ANO2: variants seen among roughly 807,000 people sequenced by gnomAD.
ANO2 encodes anoctamin-2.
ANO2 carries 101 observed loss-of-function variants against 124.2 expected under a neutral mutation model. That is an observed-to-expected ratio of 0.81 (90% CI 0.69 to 0.96). The LOEUF (loss-of-function observed/expected upper bound fraction) is 0.96, where lower values mean the gene tolerates loss of function less well. Among genes scored for constraint, ANO2 ranks in the 40% least tolerant of loss-of-function variants. ANO2 has a pLI of 0.00. For synonymous variants in ANO2, 486 were observed against 482.5 expected (o/e 1.01, Z -0.09); for missense variants, 1,293 against 1,274.5 (o/e 1.01, Z -0.22).
intron 13 of ANO2, among the ~76,000 whole-genome samples, chr12:5,735,483 T>C (rs189899476): frequency 1.6e-4 from 24 of 152,292 alleles, no homozygotes; most frequent in Admixed American, 1.5e-3. Flanking sequence ...CTGCCAGTCC[T>C]AGACACAAGA....
At chr12:5,703,074 A>C (rs533357141) in intron 14 of ANO2, among the ~76,000 whole-genome samples, 1 of 152,254 alleles carries the variant, frequency 6.6e-6, no homozygotes, top group Admixed American at 6.5e-5. Flanking sequence ...GGTAGTAGAA[A>C]ATAAGGAATC....
intron 14 of ANO2, among the ~76,000 whole-genome samples, chr12:5,680,289 TTAAAA>T (rs1231808436): frequency 1.3e-5 from 2 of 152,004 alleles, no homozygotes; most frequent in Non-Finnish European, 2.9e-5. Context: ...GCCCCAGAAC[TTAAAA>T]TAAAAGTTAA....
chr12:5,612,854 G>A (rs185116864), intron 18 of ANO2, 47 bp downstream of exon 18: 2 of 1,611,650 alleles, frequency 1.2e-6, no homozygotes, highest in East Asian at 2.2e-5. Context: ...GATAAGAATG[G>A]GGCTGGGTTG....
chr12:5,912,310 A>G (rs1170870391), intron 3 of ANO2, among the ~76,000 whole-genome samples: 1 of 152,184 alleles, frequency 6.6e-6, no homozygotes, highest in Admixed American at 6.5e-5. Flanking sequence ...CAAGAGGAGC[A>G]GAAGCAAGAA....
Position 5,884,808 on chromosome 12 carries a change from C to A in ANO2, c.535-30667G>T, listed in dbSNP as rs139405030. Among the ~76,000 whole-genome samples, 384 of 152,308 alleles carry A rather than the reference C, an allele frequency of 2.5e-3. 3 individuals are homozygous for A. Among genetic ancestry groups the A allele is most frequent in the African/African-American group, 9.1e-3 (380 of 41,562 alleles). On this transcript the variant is annotated intron_variant, in intron 3 of 24. Coordinates refer to ENST00000682330, the MANE Select transcript of ANO2 (RefSeq NM_001364791.2). ...AAAAGGAAGCCAGCAGGCAAACCCA[C>A]TCTCCTCCCACAGCATGATGAAGAA...
intron 14 of ANO2, among the ~76,000 whole-genome samples, chr12:5,684,932 G>A (rs945526600): frequency 2.0e-5 from 3 of 152,170 alleles, no homozygotes; most frequent in African/African-American, 7.2e-5. Context: ...CACATGACCT[G>A]TTTTGGTGAG....
chr12:5,591,309 G>A (rs1266451982), intron 20 of ANO2, among the ~76,000 whole-genome samples: 3 of 152,306 alleles, frequency 2.0e-5, no homozygotes, highest in Non-Finnish European at 2.9e-5. Context: ...TGTGGGAAGT[G>A]CGGATGATTT....
At position 5,846,457 on chromosome 12, in the gene ANO2, C is replaced by A. The variant is rs192545462; in HGVS notation, c.633+7586G>T. Among the ~76,000 whole-genome samples the A allele has an allele frequency of 2.0e-5, 3 of 152,278 alleles. No homozygotes were observed. The East Asian group carries it at 5.8e-4, about 29-fold the overall frequency. On this transcript the variant is annotated intron_variant, in intron 4 of 24. Transcript: ENST00000682330. ...TTGGAATACAGAGAAAGCCAACAAG[C>A]CTACCAGAGACCTAGGTCTTCAATT...
At chr12:5,888,867 C>T (rs1361087789) in intron 3 of ANO2, among the ~76,000 whole-genome samples, 2 of 152,234 alleles carry the variant, frequency 1.3e-5, no homozygotes, top group African/African-American at 4.8e-5. Flanking sequence ...GCAGGTGGAG[C>T]TGCCTGCCAG....
At chr12:5,666,002 C>T (rs1947696776) in intron 14 of ANO2, among the ~76,000 whole-genome samples, 1 of 152,180 alleles carries the variant, frequency 6.6e-6, no homozygotes, top group Non-Finnish European at 1.5e-5. Context: ...AAATGCACAG[C>T]TTAATGTAAG....
intron 10 of ANO2, among the ~76,000 whole-genome samples, chr12:5,770,306 G>A (rs1591596457): frequency 6.6e-6 from 1 of 152,136 alleles, no homozygotes; most frequent in African/African-American, 2.4e-5. Context: ...CAGCTCATTG[G>A]TTTCCAATCT....
At chr12:5,850,415 C>CA (rs11307572) in intron 4 of ANO2, among the ~76,000 whole-genome samples, 4,297 of 100,084 alleles carry the variant, frequency 0.043, 279 homozygotes, top group African/African-American at 0.15. Flanking sequence ...CACTCCATCT[C>CA]AAAAAAAAAA....
intron 3 of ANO2, among the ~76,000 whole-genome samples, chr12:5,868,609 G>T (rs1955494099): frequency 6.6e-6 from 1 of 152,204 alleles, no homozygotes; most frequent in Non-Finnish European, 1.5e-5. Flanking sequence ...TTGTGCAATT[G>T]AGTTTCCAGC....
At chr12:5,765,736 AC>A (rs931514043) in intron 10 of ANO2, among the ~76,000 whole-genome samples, 1 of 152,244 alleles carries the variant, frequency 6.6e-6, no homozygotes, top group Non-Finnish European at 1.5e-5. Context: ...TGAAAATGGA[AC>A]TTTTGTTTAT....
intron 10 of ANO2, among the ~76,000 whole-genome samples, chr12:5,771,902 A>C (rs1401753887): frequency 6.6e-6 from 1 of 152,234 alleles, no homozygotes; most frequent in Non-Finnish European, 1.5e-5. Context: ...AAAGCAATAA[A>C]AGAAATTATT....
chr12:5,590,752 A>G (rs992774567), intron 20 of ANO2, among the ~76,000 whole-genome samples: 2 of 152,222 alleles, frequency 1.3e-5, no homozygotes, highest in Non-Finnish European at 2.9e-5. Flanking sequence ...TGCAGCAAGC[A>G]TCACTAGGCA....
intron 16 of ANO2, among the ~76,000 whole-genome samples, chr12:5,617,074 C>T (rs757714085): frequency 7.3e-5 from 11 of 151,042 alleles, no homozygotes; most frequent in East Asian, 3.9e-4. Flanking sequence ...CAGATTACAC[C>T]GTACCGCACT....
At chr12:5,566,438 A>G (rs1941765756) in intron 23 of ANO2, among the ~76,000 whole-genome samples, 1 of 152,168 alleles carries the variant, frequency 6.6e-6, no homozygotes, top group South Asian at 2.1e-4. Flanking sequence ...TGTGAATACT[A>G]GCTCATTTTC....
chr12:5,773,825 G>A (rs1952152397), intron 10 of ANO2, among the ~76,000 whole-genome samples: 1 of 152,150 alleles, frequency 6.6e-6, no homozygotes. Context: ...TTGGTCAGGT[G>A]CCTTGTTCAG....
Sources: allele counts gnomAD v4.1 joint callset (sites outside exome capture counted in the v4.1 genomes callset), GRCh38; gene constraint gnomAD v4.1.1; transcripts MANE v1.5; gene names NCBI Gene and HGNC (gene_info 2026-07-23, HGNC 2026-07-21).